Variants in ITPR2 observed in about 807,000 individuals in gnomAD.
ITPR2 encodes inositol 1,4,5-trisphosphate receptor type 2.
In ITPR2, 207 loss-of-function variants were observed where a neutral mutation model predicts 317.1. The observed-to-expected ratio is 0.65, with a 90% CI of 0.58 to 0.73. The LOEUF (loss-of-function observed/expected upper bound fraction) is 0.73, where lower values mean the gene tolerates loss of function less well. Among genes scored for constraint, ITPR2 ranks in the 30% least tolerant of loss-of-function variants. The probability of loss-of-function intolerance (pLI) is 0.00; values close to 1 mark genes in which losing one functional copy is unlikely to be tolerated. For missense variants in ITPR2, 2,613 were observed against 3,284.0 expected, an observed-to-expected ratio of 0.80 and a Z score of 4.99; for synonymous variants, 1,156 against 1,149.1, an observed-to-expected ratio of 1.01 and a Z score of -0.12.
chr12:26,347,044 C>T (rs1026375555), intron 55 of ITPR2, among the ~76,000 whole-genome samples: 1 of 152,128 alleles, frequency 6.6e-6, no homozygotes, highest in Non-Finnish European at 1.5e-5. Context: ...CAGCCTGAAA[C>T]CTAGAAAGTT....
intron 32 of ITPR2, among the ~76,000 whole-genome samples, chr12:26,588,231 T>C (rs1945587443): frequency 6.6e-6 from 1 of 152,028 alleles, no homozygotes; most frequent in Admixed American, 6.5e-5. Flanking sequence ...TAGCAAACAG[T>C]GACTATAGAC....
chr12:26,631,723 G>C (rs1025536963), intron 22 of ITPR2, 143 bp downstream of exon 22: 15 of 668,214 alleles, frequency 2.2e-5, no homozygotes, highest in Non-Finnish European at 3.3e-5. Flanking sequence ...TTTTTTACCA[G>C]GTTTGTCATT....
chr12:26,485,047 T>G (rs1942635523), intron 41 of ITPR2, among the ~76,000 whole-genome samples: 1 of 151,872 alleles, frequency 6.6e-6, no homozygotes, highest in Non-Finnish European at 1.5e-5. Flanking sequence ...TTAAAAAATG[T>G]TTACCTGCAC....
rs1306863859 is a variant in ITPR2 at position 26,602,503 on chromosome 12, AG to A, written c.3553-9del. Reference sequence around the variant, plus strand: ...ACTTAGCCTGATCAAAATCTTTAAAAGGAAGAGGGAAAGCATCAAATATAAT... The same window carrying A: ...ACTTAGCCTGATCAAAATCTTTAAAAGAAGAGGGAAAGCATCAAATATAAT... On this transcript the variant is annotated splice_polypyrimidine_tract_variant and intron_variant, in intron 27 of 56. Transcript: ENST00000381340. The A allele has an allele frequency of 6.2e-7, 1 of 1,607,042 alleles. No homozygotes were observed. Among genetic ancestry groups the A allele is most frequent in the East Asian group, 2.2e-5 (1 of 44,720 alleles).
chr12:26,383,992 A>G (rs769010272), intron 55 of ITPR2, among the ~76,000 whole-genome samples: 1 of 152,358 alleles, frequency 6.6e-6, no homozygotes, highest in African/African-American at 2.4e-5. Flanking sequence ...AAAGAATTTG[A>G]AACTTCTTCC....
chr12:26,664,099 A>G (rs1947565083), intron 14 of ITPR2, among the ~76,000 whole-genome samples: 1 of 152,198 alleles, frequency 6.6e-6, no homozygotes, highest in Admixed American at 6.5e-5. Flanking sequence ...TAGAAATCAT[A>G]TTTTATAAAA....
chr12:26,782,249 A>G (rs568346050), intron 2 of ITPR2, among the ~76,000 whole-genome samples: 1 of 152,028 alleles, frequency 6.6e-6, no homozygotes, highest in East Asian at 1.9e-4. Flanking sequence ...CTCATTAGAC[A>G]AAACTCAAAT....
At chr12:26,518,174 A>G (rs1352662920) in intron 37 of ITPR2, among the ~76,000 whole-genome samples, 4 of 152,246 alleles carry the variant, frequency 2.6e-5, no homozygotes, top group East Asian at 3.8e-4. Flanking sequence ...ATACCATGGA[A>G]ATACTACACA....
chr12:26,722,400 G>A lies in ITPR2; in HGVS notation c.522C>T (p.Asp174=), dbSNP rs1443772666. ...HPFWKLRSEG[D]NIVVGDKVVL... Reference sequence around the variant, plus strand: ...CTCTTAATTGTATATTACATACATTGTCACCCTCGCTTCTCAGTTTCCAGA... The same window carrying A: ...CTCTTAATTGTATATTACATACATTATCACCCTCGCTTCTCAGTTTCCAGA... The change falls in exon 5 of 57, where the codon GAC becomes GAT. Residue 174 remains aspartate, a synonymous_variant. Transcript: ENST00000381340. 7.5e-6 allele frequency: 12 copies of A among 1,608,048 alleles called. No individual in the cohort carries two copies. The highest frequency in any genetic ancestry group is 8.5e-6 in the Non-Finnish European group (10 of 1,176,864).
intron 37 of ITPR2, among the ~76,000 whole-genome samples, chr12:26,546,739 G>A (rs77513813): frequency 0.063 from 9,600 of 152,148 alleles, 381 homozygotes; most frequent in Middle Eastern, 0.11. Flanking sequence ...GAAGAATTCA[G>A]GAACAAAGCC....
intron 45 of ITPR2, among the ~76,000 whole-genome samples, chr12:26,450,209 C>T (rs973515942): frequency 1.3e-5 from 2 of 152,150 alleles, no homozygotes; most frequent in Non-Finnish European, 2.9e-5. Context: ...CTTCCAGAAC[C>T]GTGGGACAAG....
chr12:26,770,176 T>C (rs1158633664), intron 2 of ITPR2, among the ~76,000 whole-genome samples: 2 of 152,226 alleles, frequency 1.3e-5, no homozygotes, highest in South Asian at 4.1e-4. Flanking sequence ...AGGACCTTCC[T>C]ATATGGGTTG....
intron 11 of ITPR2, among the ~76,000 whole-genome samples, chr12:26,686,228 C>T (rs1270576440): frequency 6.6e-6 from 1 of 151,774 alleles, no homozygotes; most frequent in Non-Finnish European, 1.5e-5. Flanking sequence ...AACCAAAGGC[C>T]ATACAAGTAA....
At chr12:26,746,568 C>A (rs1442183989) in intron 2 of ITPR2, among the ~76,000 whole-genome samples, 1 of 152,168 alleles carries the variant, frequency 6.6e-6, no homozygotes, top group Non-Finnish European at 1.5e-5. Context: ...GAGATTTCAT[C>A]TGTAGATTCA....
intron 39 of ITPR2, among the ~76,000 whole-genome samples, chr12:26,492,938 TATATAA>T (rs1942845460): frequency 6.6e-6 from 1 of 150,434 alleles, no homozygotes; most frequent in African/African-American, 2.4e-5. Flanking sequence ...TATATATATA[TATATAA>T]AAGCATCAGA....
intron 55 of ITPR2, among the ~76,000 whole-genome samples, chr12:26,371,133 C>T (rs1289840019): frequency 6.6e-6 from 1 of 152,202 alleles, no homozygotes; most frequent in Non-Finnish European, 1.5e-5. Flanking sequence ...CAACCAAAAT[C>T]AGTGTGCCTG....
chr12:26,341,690 A>T (rs1256622679), intron 55 of ITPR2, among the ~76,000 whole-genome samples: 1 of 152,242 alleles, frequency 6.6e-6, no homozygotes, highest in Non-Finnish European at 1.5e-5. Flanking sequence ...AGAGTGACAG[A>T]TTCATTCATT....
At chr12:26,716,477 G>T (rs1404410935) in intron 5 of ITPR2, among the ~76,000 whole-genome samples, 2 of 152,034 alleles carry the variant, frequency 1.3e-5, no homozygotes, top group African/African-American at 4.8e-5. Context: ...AGCTAGTGTG[G>T]ATCTTTTTCA....
rs780752806 is a variant in ITPR2 at position 26,832,783 on chromosome 12, C to T, written c.-2G>A. 1 of 1,598,642 alleles carries T rather than the reference C, an allele frequency of 6.3e-7. No homozygotes were observed. The highest frequency in any genetic ancestry group is 8.5e-7 in the Non-Finnish European group (1 of 1,172,400). On this transcript the variant is annotated 5_prime_UTR_variant, in exon 1 of 57. Transcript: ENST00000381340. ...GAAGCTGGACATTTTCTCAGTCATG[C>T]TGCTTCATGTTCCACAGTGGACGTC...
Sources: gnomAD v4.1 joint callset for allele counts (sites outside exome capture counted in the v4.1 genomes callset) on GRCh38, gnomAD v4.1.1 for gene constraint, MANE v1.5 for transcripts, NCBI Gene and HGNC (gene_info 2026-07-23, HGNC 2026-07-21) for gene names.